RERGL: variants seen among roughly 807,000 people sequenced by gnomAD.
The protein encoded by RERGL is ras-related and estrogen-regulated growth inhibitor-like protein.
RERGL carries 22 observed loss-of-function variants against 24.7 expected under a neutral mutation model. That is an observed-to-expected ratio of 0.89 (90% confidence interval 0.64 to 1.27). RERGL has a LOEUF of 1.27. RERGL is among the 50% of genes most tolerant of loss of function. RERGL has a pLI of 0.00. For missense variants in RERGL, 259 were observed against 235.3 expected (o/e 1.10, Z -0.66); for synonymous variants, 76 against 82.6 (o/e 0.92, Z 0.43).
intron 2 of RERGL, among the ~76,000 whole-genome samples, chr12:18,086,243 T>C (rs958907641): frequency 6.6e-6 from 1 of 152,092 alleles, no homozygotes; most frequent in African/African-American, 2.4e-5. Flanking sequence ...CATATACTTA[T>C]ATTCCATCCT....
chr12:18,087,173 C>T (rs1353612986), intron 2 of RERGL, among the ~76,000 whole-genome samples: 2 of 152,162 alleles, frequency 1.3e-5, no homozygotes, highest in East Asian at 3.9e-4. Context: ...CATCCTTCCT[C>T]TAACACCCTT....
Position 18,081,267 on chromosome 12 carries a change from T to C in RERGL, c.539A>G (p.Lys180Arg). 5 of 1,613,572 alleles carry C rather than the reference T, an allele frequency of 3.1e-6. No homozygotes were observed. Among genetic ancestry groups the C allele is most frequent in the Non-Finnish European group, 3.4e-6 (4 of 1,179,852 alleles). ...TGATTTAGATCCACTGGGACGTCTCTTTTCTTTGAGTTTGAAGTTTATCAG... is the reference window on the plus strand; with the variant it reads ...TGATTTAGATCCACTGGGACGTCTCCTTTCTTTGAGTTTGAAGTTTATCAG... ...DILINFKLKE[K>R]RRPSGSKSMA... The change falls in exon 5 of 5, where the codon AAG becomes AGG. Residue 180 changes from lysine (K) to arginine (R), a missense_variant. Physicochemically the swap from Lys to Arg is conservative, Grantham distance 26. Transcript: ENST00000538724.
intron 4 of RERGL, among the ~76,000 whole-genome samples, chr12:18,082,597 C>A (rs1165130630): frequency 6.6e-6 from 1 of 152,158 alleles, no homozygotes. Context: ...CTAACACAGG[C>A]CCAGGCAATG....
At chr12:18,084,459 T>C (rs1369978288) in intron 4 of RERGL, 58 bp downstream of exon 4, 1 of 1,506,094 alleles carries the variant, frequency 6.6e-7, no homozygotes, top group African/African-American at 1.4e-5. Context: ...CTAATGATGC[T>C]TACAGCTATA....
At chr12:18,088,984 G>A (rs1171336285) in intron 1 of RERGL, 28 bp from the exon 2 acceptor site, 13 of 1,575,420 alleles carry the variant, frequency 8.3e-6, no homozygotes, top group African/African-American at 1.4e-5. Flanking sequence ...TAGATTTAGG[G>A]CTGTTATATT....
At chr12:18,082,586 C>G in intron 4 of RERGL, among the ~76,000 whole-genome samples, 1 of 152,120 alleles carries the variant, frequency 6.6e-6, no homozygotes, top group East Asian at 1.9e-4. Flanking sequence ...CATAAAAATA[C>G]CTAACACAGG....
Position 18,088,914 on chromosome 12 carries a change from T to C in RERGL, c.95A>G (p.Tyr32Cys), listed in dbSNP as rs746346833. The change falls in exon 2 of 5, where the codon TAT becomes TGT. Residue 32 changes from tyrosine (Y) to cysteine (C), a missense_variant. By Grantham distance (194) the Tyr-to-Cys change is radical. Coordinates refer to ENST00000538724, the MANE Select transcript of RERGL (RefSeq NM_001286201.2). ...TAGTGACTTACCAAAATTAGAAGCA[T>C]ATTCTCCAATGAATCGCTTAGTAAG... ...RFLTKRFIGEYASNFESIYKK... is the reference protein window; with the variant it reads ...RFLTKRFIGECASNFESIYKK... 1 of 1,606,934 alleles carries C rather than the reference T, an allele frequency of 6.2e-7. No individual in the cohort carries two copies.
chr12:18,089,833 C>G (rs1565488142), intron 1 of RERGL, among the ~76,000 whole-genome samples: 1 of 151,874 alleles, frequency 6.6e-6, no homozygotes, highest in Admixed American at 6.6e-5. Context: ...ATCAGTAGAA[C>G]AATATACAAA....
chr12:18,087,094 C>T (rs1947228123), intron 2 of RERGL, among the ~76,000 whole-genome samples: 1 of 152,172 alleles, frequency 6.6e-6, no homozygotes, highest in South Asian at 2.1e-4. Context: ...ATTGCTAACA[C>T]TCTAGTCTCG....
At chr12:18,082,537 G>GT (rs779022671) in intron 4 of RERGL, among the ~76,000 whole-genome samples, 7 of 152,194 alleles carry the variant, frequency 4.6e-5, no homozygotes, top group South Asian at 4.1e-4. Flanking sequence ...TTCTCACAGA[G>GT]GTTAAAGCTC....
chr12:18,086,024 ATTT>A (rs577015041), intron 2 of RERGL, among the ~76,000 whole-genome samples: 2,061 of 125,068 alleles, frequency 0.016, 19 homozygotes, highest in African/African-American at 0.038. Flanking sequence ...CGCCTGGCCA[ATTT>A]TTTTTTTTTT....
At position 18,084,534 on chromosome 12, in the gene RERGL, T is replaced by A. The variant is rs772139721; in HGVS notation, c.315A>T (p.Gln105His). The A allele has an allele frequency of 1.2e-6, 2 of 1,605,746 alleles. No homozygotes were observed. ...KALIYRIREPQTSHCKRAVES... is the reference protein window; with the variant it reads ...KALIYRIREPHTSHCKRAVES... ...TACCTTACCTTTTACAATGACTAGT[T>A]TGTGGCTCCCGGATTCTGTAGATCA... Residue 105 changes from glutamine (Q) to histidine (H), a missense_variant, in exon 4 of 5, where the codon CAA (glutamine) becomes CAT (histidine). Coordinates refer to ENST00000538724, the MANE Select transcript of RERGL (RefSeq NM_001286201.2).
chr12:18,087,471 C>T (rs1476207837), intron 2 of RERGL, among the ~76,000 whole-genome samples: 1 of 152,150 alleles, frequency 6.6e-6, no homozygotes, highest in Admixed American at 6.5e-5. Flanking sequence ...TCAAAAACTG[C>T]CAGCAAGTGT....
At chr12:18,089,606 C>A (rs548715203) in intron 1 of RERGL, among the ~76,000 whole-genome samples, 1 of 152,102 alleles carries the variant, frequency 6.6e-6, no homozygotes, top group Non-Finnish European at 1.5e-5. Flanking sequence ...GAACATCCAC[C>A]AAGCCATGCG....
chr12:18,086,970 A>T (rs552590330), intron 2 of RERGL, among the ~76,000 whole-genome samples: 37 of 152,054 alleles, frequency 2.4e-4, no homozygotes, highest in Non-Finnish European at 4.6e-4. Context: ...CAGGCAAAAA[A>T]CCCTAGGATT....
At chr12:18,081,540 AAAAC>A (rs762325424) in intron 4 of RERGL, 67 bp from the exon 5 acceptor site, 9 of 1,345,398 alleles carry the variant, frequency 6.7e-6, no homozygotes, top group Admixed American at 2.5e-5. Flanking sequence ...AAAAAAAAAA[AAAAC>A]AGATTTATAA....
intron 4 of RERGL, among the ~76,000 whole-genome samples, chr12:18,083,198 GAT>G (rs1947189347): frequency 6.6e-6 from 1 of 152,054 alleles, no homozygotes; most frequent in South Asian, 2.1e-4. Context: ...ACAAATATCA[GAT>G]ATAATTTAAT....
Position 18,081,538 on chromosome 12 carries a change from A to C in RERGL, c.333-65T>G, listed in dbSNP as rs1239965262. On this transcript the variant is annotated intron_variant, in intron 4 of 4. Transcript: ENST00000538724. Reference sequence around the variant, plus strand: ...ACAACTCTTTTTTTTAAAAAAAAAAAAAAAACAGATTTATAACCAAAGGAT... The same window carrying C: ...ACAACTCTTTTTTTTAAAAAAAAAACAAAAACAGATTTATAACCAAAGGAT... 8.0e-6 allele frequency: 11 copies of C among 1,374,388 alleles called. 1 individual carries two copies. The highest frequency in any genetic ancestry group is 9.8e-6 in the Non-Finnish European group (10 of 1,020,858). The allele number at this position is 1,374,388 out of a possible 1,614,324, so 85.1% of individuals were successfully genotyped here. A position where few individuals can be genotyped will look rare whatever the true frequency, so the allele number is the denominator to read the frequency against.
chr12:18,082,819 G>C (rs1189501320), intron 4 of RERGL, among the ~76,000 whole-genome samples: 1 of 152,140 alleles, frequency 6.6e-6, no homozygotes, highest in Non-Finnish European at 1.5e-5. Flanking sequence ...TCATGGACTT[G>C]TCCAACTCTC....
Sources: gnomAD v4.1 joint callset for allele counts (sites outside exome capture counted in the v4.1 genomes callset) on GRCh38, gnomAD v4.1.1 for gene constraint, MANE v1.5 for transcripts, NCBI Gene and HGNC (gene_info 2026-07-23, HGNC 2026-07-21) for gene names.